STK3: variants seen among roughly 807,000 people sequenced by gnomAD.
STK3 encodes serine/threonine-protein kinase 3.
STK3 carries 41 observed loss-of-function variants against 58.0 expected under a neutral mutation model. The ratio of observed to expected loss-of-function variants is 0.71; its 90% CI spans 0.55 to 0.92. STK3 has a LOEUF of 0.92. Ranked by LOEUF, STK3 falls within the 40% of genes least tolerant of loss-of-function variation. The probability of loss-of-function intolerance (pLI) is 0.00; values close to 1 mark genes in which losing one functional copy is unlikely to be tolerated. For synonymous variants in STK3, 170 were observed against 191.0 expected, an observed-to-expected ratio of 0.89 and a Z score of 0.91; for missense variants, 479 against 602.7, an observed-to-expected ratio of 0.79 and a Z score of 2.15.
At chr8:98,463,163 T>G (rs987904824) in intron 10 of STK3, 1 of 152,216 alleles carries the variant, frequency 6.6e-6, no homozygotes, top group African/African-American at 2.4e-5. Context: ...GTTATCATTA[T>G]TTTTATTATG....
At chr8:98,902,766 G>A (rs1838706910) in intron 1 of STK3, among the ~76,000 whole-genome samples, 1 of 152,192 alleles carries the variant, frequency 6.6e-6, no homozygotes, top group Non-Finnish European at 1.5e-5. Context: ...CTTAATAATA[G>A]CCAATGTGTC....
chr8:98,668,132 A>G (rs1266308453), intron 6 of STK3, among the ~76,000 whole-genome samples: 1 of 152,182 alleles, frequency 6.6e-6, no homozygotes, highest in Non-Finnish European at 1.5e-5. Context: ...TCTTCTTAAT[A>G]AAACTGTTTA....
chr8:98,642,120 T>G (rs1392802717), intron 6 of STK3, among the ~76,000 whole-genome samples: 1 of 152,148 alleles, frequency 6.6e-6, no homozygotes, highest in Non-Finnish European at 1.5e-5. Flanking sequence ...ATCCCTACCA[T>G]TCCAATACAC....
chr8:98,696,276 T>C (rs1201809309), intron 6 of STK3, among the ~76,000 whole-genome samples: 1 of 152,194 alleles, frequency 6.6e-6, no homozygotes, highest in East Asian at 1.9e-4. Context: ...TGGGGTTTTC[T>C]AGATATACAA....
the STK3 span, among the ~76,000 whole-genome samples, chr8:98,345,144 AAAC>A: frequency 6.6e-6 from 1 of 151,962 alleles, no homozygotes; most frequent in Non-Finnish European, 1.5e-5. Context: ...GCTTAAAACA[AAAC>A]AAAAGATTGC....
intron 8 of STK3, among the ~76,000 whole-genome samples, chr8:98,567,578 A>C (rs1383302639): frequency 6.6e-6 from 1 of 152,200 alleles, no homozygotes; most frequent in East Asian, 1.9e-4. Flanking sequence ...GCTACCTTAC[A>C]GAAGTTTTCC....
intron 10 of STK3, among the ~76,000 whole-genome samples, chr8:98,499,602 T>C: frequency 6.6e-6 from 1 of 152,202 alleles, no homozygotes; most frequent in East Asian, 1.9e-4. Context: ...AGAGAAATCC[T>C]AATTCATCTT....
chr8:98,621,811 T>C (rs532623386), intron 6 of STK3, among the ~76,000 whole-genome samples: 2 of 152,230 alleles, frequency 1.3e-5, no homozygotes, highest in East Asian at 3.9e-4. Flanking sequence ...CATATCTATA[T>C]AGCTAGTCCC....
chr8:98,434,108 C>T (rs1227748852), intron 3 of STK3: 1 of 152,240 alleles, frequency 6.6e-6, no homozygotes, highest in African/African-American at 2.4e-5. Context: ...ATGGCTCTCC[C>T]ATCCAACACT....
chr8:98,561,191 C>T (rs1179731773), intron 8 of STK3, among the ~76,000 whole-genome samples: 2 of 150,406 alleles, frequency 1.3e-5, no homozygotes, highest in Non-Finnish European at 3.0e-5. Context: ...AGCTCAGAAA[C>T]AGACCTACAC....
chr8:98,614,544 G>A (rs937196965), intron 6 of STK3, among the ~76,000 whole-genome samples: 1 of 152,124 alleles, frequency 6.6e-6, no homozygotes, highest in Non-Finnish European at 1.5e-5. Flanking sequence ...TCCATCTGAG[G>A]TACCGGGTTC....
chr8:98,492,931 T>C (rs534907043), intron 10 of STK3, among the ~76,000 whole-genome samples: 4 of 152,110 alleles, frequency 2.6e-5, no homozygotes, highest in African/African-American at 4.8e-5. Context: ...TCTTTCAGCA[T>C]ATAAAAATCA....
chr8:98,696,043 G>A (rs1824886598), intron 6 of STK3, among the ~76,000 whole-genome samples: 1 of 151,950 alleles, frequency 6.6e-6, no homozygotes, highest in African/African-American at 2.4e-5. Flanking sequence ...ATTTCATTGA[G>A]CAGTGGTTTG....
In STK3 at chr8:98,706,528, C is replaced by G. The variant is rs765399291; in HGVS notation, c.623G>C (p.Gly208Ala). Residue 208 changes from glycine to alanine, a missense_variant, in exon 6 of 11, where the codon GGC becomes GCC. By Grantham distance (60) the Gly-to-Ala change is moderately conservative. Transcript: ENST00000419617. ...YNCVADIWSL[G>A]ITSIEMAEGK... is the part of the protein sequence containing the mutation. The stretch of plus-strand genomic sequence containing the variant: ...TTCAGCCATTTCTATAGAAGTAATG[C>G]CAAGGGACCAGATGTCGGCCACACA... 26 of 1,613,668 alleles carry G rather than the reference C, an allele frequency of 1.6e-5. No individual in the cohort carries two copies. The African/African-American group carries it at 3.1e-4, about 19-fold the overall frequency.
At chr8:98,354,558 G>T in the STK3 span, among the ~76,000 whole-genome samples, 2 of 152,190 alleles carry the variant, frequency 1.3e-5, no homozygotes, top group Admixed American at 6.5e-5. Flanking sequence ...CTCTAGATTT[G>T]TGTGAAACAG....
At chr8:98,346,768 T>A in the STK3 span, among the ~76,000 whole-genome samples, 1 of 151,702 alleles carries the variant, frequency 6.6e-6, no homozygotes. Flanking sequence ...TGAAAGAATT[T>A]ATCTCCAGCA....
At chr8:98,666,099 T>C (rs1260196490) in intron 6 of STK3, among the ~76,000 whole-genome samples, 1 of 152,118 alleles carries the variant, frequency 6.6e-6, no homozygotes, top group Non-Finnish European at 1.5e-5. Context: ...ATAACTGGTT[T>C]ATCCAGAAAG....
chr8:98,609,128 C>G lies in STK3; in HGVS notation c.685-12959G>C, dbSNP rs376903335. On this transcript the variant is annotated intron_variant, in intron 6 of 10. Coordinates refer to ENST00000419617, the MANE Select transcript of STK3 (RefSeq NM_006281.4). Reference sequence around the variant, plus strand: ...CAAGCATTATGCTCATACTACATCACTGATTACCTAAATTCACACCCTGAC... The same window carrying G: ...CAAGCATTATGCTCATACTACATCAGTGATTACCTAAATTCACACCCTGAC... Among the ~76,000 whole-genome samples the G allele has an allele frequency of 2.5e-4, 38 of 152,296 alleles. No homozygotes were observed. In the East Asian group the frequency reaches 6.7e-3, roughly 27 times the overall value.
intron 10 of STK3, among the ~76,000 whole-genome samples, chr8:98,462,556 T>C (rs541842811): frequency 6.6e-6 from 1 of 152,090 alleles, no homozygotes; most frequent in Non-Finnish European, 1.5e-5. Flanking sequence ...AGTTTTGTGG[T>C]TGTATGAGGT....
Sources: allele counts gnomAD v4.1 joint callset (sites outside exome capture counted in the v4.1 genomes callset), GRCh38; gene constraint gnomAD v4.1.1; transcripts MANE v1.5; gene names NCBI Gene and HGNC (gene_info 2026-07-23, HGNC 2026-07-21).